SPON1: variants seen among roughly 807,000 people sequenced by gnomAD.
The protein encoded by SPON1 is spondin 1, also known as spondin-1.
In SPON1, 52 loss-of-function variants were observed where a neutral mutation model predicts 111.7. The observed-to-expected ratio is 0.47, with a 90% CI of 0.37 to 0.59. The LOEUF (loss-of-function observed/expected upper bound fraction) is 0.59. Ranked by LOEUF, SPON1 falls within the 20% of genes least tolerant of loss-of-function variation. SPON1 has a pLI of 0.00. For missense variants in SPON1, 957 were observed against 1,068.5 expected (o/e 0.90, Z 1.46); for synonymous variants, 410 against 395.8 (o/e 1.04, Z -0.43).
intron 6 of SPON1, among the ~76,000 whole-genome samples, chr11:14,232,874 C>T (rs185741492): frequency 5.1e-4 from 78 of 152,196 alleles, no homozygotes; most frequent in Non-Finnish European, 2.4e-4. Flanking sequence ...GGGGCAGCGG[C>T]GGCAGCAGTG....
rs147993303 is a variant in SPON1 at position 14,133,557 on chromosome 11, T to C, written c.677-1863T>C. The stretch of plus-strand genomic sequence containing the variant: ...GGTAATTCTGCACTAAGGTACAGAA[T>C]TGCAGGCAGGACACGCCTAGAACAA... On this transcript the variant is annotated intron_variant, in intron 5 of 15. Transcript: ENST00000576479. Among the ~76,000 whole-genome samples, 434 of 152,230 alleles carry C rather than the reference T, an allele frequency of 2.9e-3. 1 individual carries two copies. The highest frequency in any genetic ancestry group is 9.5e-3 in the African/African-American group (395 of 41,536).
intron 2 of SPON1, among the ~76,000 whole-genome samples, chr11:13,987,445 G>A (rs1332146265): frequency 2.0e-5 from 3 of 152,246 alleles, no homozygotes; most frequent in South Asian, 4.2e-4. Context: ...GTAGATTCTG[G>A]ATATAAGCCC....
intron 6 of SPON1, among the ~76,000 whole-genome samples, chr11:14,177,200 G>A (rs141813609): frequency 0.05 from 7,659 of 152,098 alleles, 281 homozygotes; most frequent in Middle Eastern, 0.078. Flanking sequence ...ACCACCATAC[G>A]CAGCTAATTT....
intron 6 of SPON1, among the ~76,000 whole-genome samples, chr11:14,220,898 A>T (rs1848673373): frequency 6.6e-6 from 1 of 152,168 alleles, no homozygotes; most frequent in African/African-American, 2.4e-5. Flanking sequence ...TTAAAATAGG[A>T]ACAAAGTGGC....
chr11:14,200,037 C>T (rs966836167), intron 6 of SPON1, among the ~76,000 whole-genome samples: 3 of 152,320 alleles, frequency 2.0e-5, no homozygotes, highest in Admixed American at 6.5e-5. Flanking sequence ...ACTTTCCCCC[C>T]ACCCCTCATC....
chr11:14,054,805 A>G (rs1378030550), intron 3 of SPON1, among the ~76,000 whole-genome samples: 1 of 152,188 alleles, frequency 6.6e-6, no homozygotes, highest in African/African-American at 2.4e-5. Context: ...TTGGAACAGC[A>G]GCCAGGATCT....
At chr11:14,066,470 C>G (rs1848833210) in intron 3 of SPON1, among the ~76,000 whole-genome samples, 1 of 152,114 alleles carries the variant, frequency 6.6e-6, no homozygotes, top group South Asian at 2.1e-4. Context: ...AATTGCCTGC[C>G]TGTCAGAGCT....
chr11:14,169,496 A>G (rs1316412151), intron 6 of SPON1, among the ~76,000 whole-genome samples: 1 of 151,734 alleles, frequency 6.6e-6, no homozygotes, highest in Admixed American at 6.6e-5. Flanking sequence ...GAAGCTCTTG[A>G]GTTTAATTAG....
chr11:14,092,614 T>C (rs782162596), intron 5 of SPON1, among the ~76,000 whole-genome samples: 4 of 152,090 alleles, frequency 2.6e-5, no homozygotes, highest in Non-Finnish European at 5.9e-5. Flanking sequence ...GTGTTCTCTC[T>C]AGGAGGGGCT....
At chr11:14,084,531 C>G (rs1003939061) in intron 5 of SPON1, among the ~76,000 whole-genome samples, 1 of 152,144 alleles carries the variant, frequency 6.6e-6, no homozygotes, top group Non-Finnish European at 1.5e-5. Flanking sequence ...GATGCATTTT[C>G]TTTATCCAGT....
Position 14,041,563 on chromosome 11 carries a change from G to T in SPON1, c.388G>T (p.Val130Phe). The T allele has an allele frequency of 1.9e-6, 3 of 1,613,928 alleles. No individual in the cohort carries two copies. The highest frequency in any genetic ancestry group is 2.5e-6 in the Non-Finnish European group (3 of 1,179,862). The change falls in exon 3 of 16, where the codon GTT (valine) becomes TTT (phenylalanine). Residue 130 changes from valine (V) to phenylalanine (F), a missense_variant. Coordinates refer to ENST00000576479, the MANE Select transcript of SPON1 (RefSeq NM_006108.4). ...AACTCAGTTTATGAGCAATTGCCCT[G>T]TTGCAGTCACTGAAAGCACTCCACG... ...EETQFMSNCP[V>F]AVTESTPRRR...
intron 2 of SPON1, 100 bp downstream of exon 2, chr11:13,983,053 G>A (rs1399621665): frequency 1.9e-5 from 14 of 753,252 alleles, no homozygotes. Context: ...GCAGTCCCTT[G>A]ACCGTTGGCC....
chr11:14,017,237 T>A (rs1848450361), intron 2 of SPON1, among the ~76,000 whole-genome samples: 1 of 152,224 alleles, frequency 6.6e-6, no homozygotes, highest in African/African-American at 2.4e-5. Flanking sequence ...ATTGTTTCTT[T>A]AAGCATTGTC....
intron 8 of SPON1, 107 bp from the exon 9 acceptor site, chr11:14,255,540 T>G: frequency 1.0e-6 from 1 of 986,152 alleles, no homozygotes; most frequent in East Asian, 2.4e-5. Flanking sequence ...GTAGTTATGC[T>G]TGTTAAATTC....
chr11:14,195,003 C>A (rs1252388944), intron 6 of SPON1, among the ~76,000 whole-genome samples: 1 of 152,132 alleles, frequency 6.6e-6, no homozygotes, highest in Non-Finnish European at 1.5e-5. Context: ...GTTGAAGTCA[C>A]TGAAATATTG....
At chr11:14,103,184 G>A (rs1224978554) in intron 5 of SPON1, among the ~76,000 whole-genome samples, 2 of 152,092 alleles carry the variant, frequency 1.3e-5, no homozygotes, top group African/African-American at 4.8e-5. Context: ...CTTCTACTGG[G>A]TAACTTATTC....
At chr11:14,070,613 A>G (rs1848868038) in intron 3 of SPON1, among the ~76,000 whole-genome samples, 1 of 152,178 alleles carries the variant, frequency 6.6e-6, no homozygotes, top group Non-Finnish European at 1.5e-5. Flanking sequence ...TATGGCTGTG[A>G]CACATTCCCT....
At chr11:13,977,881 T>C (rs1591338091) in intron 1 of SPON1, among the ~76,000 whole-genome samples, 1 of 152,206 alleles carries the variant, frequency 6.6e-6, no homozygotes, top group Non-Finnish European at 1.5e-5. Context: ...ATTTACCTTT[T>C]TCTGCATGGT....
At chr11:14,079,159 G>A (rs1323224535) in intron 4 of SPON1, among the ~76,000 whole-genome samples, 1 of 152,142 alleles carries the variant, frequency 6.6e-6, no homozygotes, top group Non-Finnish European at 1.5e-5. Context: ...TTGACAATCG[G>A]AAATACTGAA....
Sources: allele counts gnomAD v4.1 joint callset (sites outside exome capture counted in the v4.1 genomes callset), GRCh38; gene constraint gnomAD v4.1.1; transcripts MANE v1.5; gene names NCBI Gene and HGNC (gene_info 2026-07-23, HGNC 2026-07-21).